Variants in CACNA1E observed in about 807,000 individuals in gnomAD.
CACNA1E encodes the protein calcium voltage-gated channel subunit alpha1 E.
Under a neutral mutation model 259.2 loss-of-function variants are expected in CACNA1E, and 40 were observed. The ratio of observed to expected loss-of-function variants is 0.15; its 90% CI spans 0.12 to 0.20. The LOEUF (loss-of-function observed/expected upper bound fraction) is 0.20, where lower values mean the gene tolerates loss of function less well. CACNA1E is among the 10% of genes least tolerant of loss of function. The pLI, the probability that CACNA1E is intolerant of heterozygous loss-of-function variation, is 1.00. For synonymous variants in CACNA1E, 1,104 were observed against 1,138.5 expected (o/e 0.97, Z 0.61); for missense variants, 1,874 against 3,040.1 (o/e 0.62, Z 9.02).
At chr1:181,652,756 T>C (rs1658874861) in intron 7 of CACNA1E, among the ~76,000 whole-genome samples, 1 of 152,126 alleles carries the variant, frequency 6.6e-6, no homozygotes, top group South Asian at 2.1e-4. Flanking sequence ...CTGACAGATA[T>C]CTGCTTCACC....
intron 1 of CACNA1E, among the ~76,000 whole-genome samples, chr1:181,338,216 G>A (rs1311276710): frequency 6.6e-6 from 1 of 152,132 alleles, no homozygotes; most frequent in Non-Finnish European, 1.5e-5. Context: ...CTAACAAGTA[G>A]CTGGGATTAC....
At chr1:181,428,529 G>A (rs1659472332) in intron 2 of CACNA1E, among the ~76,000 whole-genome samples, 1 of 152,148 alleles carries the variant, frequency 6.6e-6, no homozygotes, top group Non-Finnish European at 1.5e-5. Flanking sequence ...TGTGCCTGCT[G>A]TGGGGTAGGG....
intron 3 of CACNA1E, among the ~76,000 whole-genome samples, chr1:181,572,694 A>T (rs1156975916): frequency 6.6e-6 from 1 of 151,898 alleles, no homozygotes. Context: ...GCTTTTATTA[A>T]CTCAAAATTG....
intron 1 of CACNA1E, among the ~76,000 whole-genome samples, chr1:181,362,250 C>G (rs1653935659): frequency 6.6e-6 from 1 of 152,228 alleles, no homozygotes; most frequent in Admixed American, 6.5e-5. Context: ...GTCTGTCAAA[C>G]TCCTGACTCT....
At chr1:181,411,719 C>T (rs1036357387) in intron 1 of CACNA1E, among the ~76,000 whole-genome samples, 1 of 152,208 alleles carries the variant, frequency 6.6e-6, no homozygotes, top group African/African-American at 2.4e-5. Flanking sequence ...AAGCGATTCT[C>T]CTGTCTCAGC....
chr1:181,600,441 G>A (rs865833963), intron 6 of CACNA1E, among the ~76,000 whole-genome samples: 9 of 152,242 alleles, frequency 5.9e-5, no homozygotes, highest in Non-Finnish European at 8.8e-5. Flanking sequence ...CCATGGCAGG[G>A]CAAGAGTGGA....
intron 46 of CACNA1E, 33 bp downstream of exon 46, chr1:181,795,077 C>T: frequency 1.3e-6 from 2 of 1,587,142 alleles, no homozygotes; most frequent in Non-Finnish European, 1.7e-6. Flanking sequence ...GCTCTTTCAT[C>T]AGGCAGTGGG....
intron 2 of CACNA1E, among the ~76,000 whole-genome samples, chr1:181,445,644 CA>C (rs1660746963): frequency 1.3e-5 from 2 of 152,242 alleles, no homozygotes; most frequent in Admixed American, 6.5e-5. Context: ...ATGTAGCACA[CA>C]AGGGCCTTGC....
chr1:181,792,208 T>C (rs951609876), intron 44 of CACNA1E, among the ~76,000 whole-genome samples: 2 of 152,150 alleles, frequency 1.3e-5, no homozygotes, highest in South Asian at 2.1e-4. Flanking sequence ...TAATGTGTCC[T>C]TTCTTTCACA....
chr1:181,581,689 C>G (rs1034852674), intron 6 of CACNA1E, among the ~76,000 whole-genome samples: 3 of 152,086 alleles, frequency 2.0e-5, no homozygotes, highest in African/African-American at 7.2e-5. Flanking sequence ...ATGAGAGTGA[C>G]TTGAGGTATG....
chr1:181,578,593 A>G (rs1651212291), intron 4 of CACNA1E, among the ~76,000 whole-genome samples: 1 of 152,208 alleles, frequency 6.6e-6, no homozygotes, highest in Non-Finnish European at 1.5e-5. Context: ...TATATGTGTT[A>G]TGATTTATTT....
rs552352237 is a variant in CACNA1E at position 181,496,613 on chromosome 1, C to T, written c.266+12603C>T. On this transcript the variant is annotated intron_variant, in intron 1 of 47. Coordinates refer to ENST00000367573, the MANE Select transcript of CACNA1E (RefSeq NM_001205293.3). Reference sequence around the variant, plus strand: ...AGGGTGCTGTGGGGGGAAGGGGAAACCTCCATTGCTTGGGACTCTTGGAAA... The same window carrying T: ...AGGGTGCTGTGGGGGGAAGGGGAAATCTCCATTGCTTGGGACTCTTGGAAA... Among the ~76,000 whole-genome samples, 3 of 152,224 alleles carry T rather than the reference C, an allele frequency of 2.0e-5. No homozygotes were observed. In the South Asian group the frequency reaches 6.2e-4, roughly 32 times the overall value.
chr1:181,365,720 G>T (rs943740831), intron 1 of CACNA1E, among the ~76,000 whole-genome samples: 2 of 152,224 alleles, frequency 1.3e-5, no homozygotes, highest in Admixed American at 6.5e-5. Flanking sequence ...TATTTGCTTT[G>T]TTGGGCACAG....
chr1:181,606,189 G>C (rs1654219001), intron 6 of CACNA1E, among the ~76,000 whole-genome samples: 1 of 152,080 alleles, frequency 6.6e-6, no homozygotes. Flanking sequence ...TCTCTTCTGA[G>C]CTCCAGACTC....
At chr1:181,672,072 A>C (rs769419129) in intron 7 of CACNA1E, among the ~76,000 whole-genome samples, 1 of 152,264 alleles carries the variant, frequency 6.6e-6, no homozygotes, top group African/African-American at 2.4e-5. Context: ...GAACAAGATT[A>C]TGTCATTTAC....
chr1:181,765,637 C>T (rs1026943278), intron 34 of CACNA1E, among the ~76,000 whole-genome samples: 4 of 152,224 alleles, frequency 2.6e-5, no homozygotes, highest in Non-Finnish European at 5.9e-5. Flanking sequence ...CAATTGATCT[C>T]CTGGGATTCA....
chr1:181,783,465 AAAAC>A (rs1018784921), intron 39 of CACNA1E, among the ~76,000 whole-genome samples: 15 of 152,038 alleles, frequency 9.9e-5, no homozygotes, highest in Middle Eastern at 3.4e-3. Context: ...TGGTGGAGAA[AAAAC>A]AAACAAACTA....
intron 7 of CACNA1E, among the ~76,000 whole-genome samples, chr1:181,693,322 A>G (rs1406924473): frequency 6.6e-6 from 1 of 152,114 alleles, no homozygotes; most frequent in Admixed American, 6.6e-5. Context: ...TCCAAAGAAA[A>G]TAAATTGTTC....
intron 11 of CACNA1E, 51 bp from the exon 12 acceptor site, chr1:181,718,004 C>T: frequency 1.1e-6 from 1 of 875,462 alleles, no homozygotes; most frequent in East Asian, 2.5e-5. Flanking sequence ...CTGAGAAGTG[C>T]ATGAGCCCAC....
Sources: gnomAD v4.1 joint callset for allele counts (sites outside exome capture counted in the v4.1 genomes callset) on GRCh38, gnomAD v4.1.1 for gene constraint, MANE v1.5 for transcripts, NCBI Gene and HGNC (gene_info 2026-07-23, HGNC 2026-07-21) for gene names.